MACROD2: variants seen among roughly 807,000 people sequenced by gnomAD.
The protein encoded by MACROD2 is mono-ADP ribosylhydrolase 2.
Under a neutral mutation model 70.4 loss-of-function variants are expected in MACROD2, and 36 were observed. The observed-to-expected ratio is 0.51, with a 90% CI of 0.39 to 0.68. The LOEUF is 0.68. MACROD2 is among the 30% of genes least tolerant of loss of function. The pLI is 0.00. For synonymous variants in MACROD2, 172 were observed against 178.8 expected, an observed-to-expected ratio of 0.96 and a Z score of 0.30; for missense variants, 496 against 538.4, an observed-to-expected ratio of 0.92 and a Z score of 0.78.
intron 7 of MACROD2, among the ~76,000 whole-genome samples, chr20:15,483,312 G>C (rs2047123679): frequency 6.6e-6 from 1 of 152,126 alleles, no homozygotes; most frequent in Admixed American, 6.5e-5. Context: ...TTGTTGAAAA[G>C]ACTTGCTTCA....
chr20:14,858,769 C>T (rs954577598), intron 5 of MACROD2, among the ~76,000 whole-genome samples: 4 of 152,210 alleles, frequency 2.6e-5, no homozygotes, highest in East Asian at 3.9e-4. Flanking sequence ...TATTCCACTT[C>T]GTAGCAATGC....
intron 5 of MACROD2, among the ~76,000 whole-genome samples, chr20:15,010,580 G>A (rs1393678533): frequency 6.6e-6 from 1 of 152,172 alleles, no homozygotes; most frequent in African/African-American, 2.4e-5. Flanking sequence ...CACAAGATTT[G>A]AGGACAGAAT....
intron 3 of MACROD2, among the ~76,000 whole-genome samples, chr20:14,144,794 T>C: frequency 6.6e-6 from 1 of 152,158 alleles, no homozygotes; most frequent in Non-Finnish European, 1.5e-5. Context: ...TGGTATGTTA[T>C]TTGTATATAA....
At chr20:15,700,471 T>C (rs911146360) in intron 8 of MACROD2, among the ~76,000 whole-genome samples, 1 of 152,236 alleles carries the variant, frequency 6.6e-6, no homozygotes, top group Admixed American at 6.5e-5. Context: ...TTTCCTGAGC[T>C]TAGCAGTCTG....
chr20:15,993,233 A>AGTGTGTGTGT (rs11468964), intron 15 of MACROD2, among the ~76,000 whole-genome samples: 12 of 143,980 alleles, frequency 8.3e-5, no homozygotes, highest in African/African-American at 3.0e-4. Context: ...GAATTTGAAG[A>AGTGTGTGTGT]GTGTGTGTGT....
At chr20:14,057,470 A>G (rs2053643803) in intron 2 of MACROD2, among the ~76,000 whole-genome samples, 1 of 152,210 alleles carries the variant, frequency 6.6e-6, no homozygotes, top group Non-Finnish European at 1.5e-5. Context: ...CAGTCAGTTC[A>G]AACTGTAAAG....
Position 15,611,815 on chromosome 20 carries a change from A to G in MACROD2, c.645+111968A>G, listed in dbSNP as rs566355888. 4.9e-4 allele frequency among the ~76,000 whole-genome samples: 74 copies of G among 149,498 alleles called. 1 individual carries two copies. Among genetic ancestry groups the G allele is most frequent in the Non-Finnish European group, 9.6e-4 (65 of 67,652 alleles). On this transcript the variant is annotated intron_variant, in intron 8 of 17. Transcript: ENST00000684519. Reference sequence around the variant, plus strand: ...AAATCTAGCAATTTAAGCCATTACTAGATGATGTCTATAAGGCTCCGAGCA... The same window carrying G: ...AAATCTAGCAATTTAAGCCATTACTGGATGATGTCTATAAGGCTCCGAGCA...
At chr20:15,519,282 TTTTG>T (rs1157242073) in intron 8 of MACROD2, among the ~76,000 whole-genome samples, 3 of 151,998 alleles carry the variant, frequency 2.0e-5, no homozygotes, top group Non-Finnish European at 4.4e-5. Context: ...GGCTAATTTT[TTTTG>T]TTTGTTTTTT....
intron 8 of MACROD2, among the ~76,000 whole-genome samples, chr20:15,840,749 C>T (rs2064161407): frequency 6.6e-6 from 1 of 152,050 alleles, no homozygotes; most frequent in Non-Finnish European, 1.5e-5. Context: ...AACACATTGA[C>T]TAACTCTACT....
At chr20:14,602,020 G>GGGTTTGTA (rs1982531550) in intron 4 of MACROD2, among the ~76,000 whole-genome samples, 1 of 152,130 alleles carries the variant, frequency 6.6e-6, no homozygotes, top group Non-Finnish European at 1.5e-5. Flanking sequence ...TGAGAACATG[G>GGGTTTGTA]ATCATGTCGT....
chr20:15,458,626 T>A (rs1568823358), intron 7 of MACROD2, among the ~76,000 whole-genome samples: 1 of 148,288 alleles, frequency 6.7e-6, no homozygotes, highest in Non-Finnish European at 1.5e-5. Context: ...TTTGTTTTTT[T>A]GTTTTTTTTT....
At chr20:15,258,667 T>TC (rs2146040227) in intron 6 of MACROD2, among the ~76,000 whole-genome samples, 1 of 152,146 alleles carries the variant, frequency 6.6e-6, no homozygotes, top group Non-Finnish European at 1.5e-5. Flanking sequence ...TGAGAACATA[T>TC]CCCCATCATT....
intron 3 of MACROD2, among the ~76,000 whole-genome samples, chr20:14,417,455 T>C (rs2083821660): frequency 1.3e-5 from 2 of 152,160 alleles, no homozygotes; most frequent in South Asian, 4.1e-4. Flanking sequence ...ATCACCTATT[T>C]CAATATCTAG....
intron 10 of MACROD2, 28 bp downstream of exon 10, chr20:15,885,839 G>T: frequency 1.3e-6 from 2 of 1,489,496 alleles, no homozygotes; most frequent in Non-Finnish European, 8.9e-7. Flanking sequence ...TTATTATTAG[G>T]GGGTAGGTAG....
chr20:14,624,070 T>C (rs958499901), intron 4 of MACROD2, among the ~76,000 whole-genome samples: 14 of 152,202 alleles, frequency 9.2e-5, no homozygotes, highest in Non-Finnish European at 7.3e-5. Context: ...GGATCTGTTA[T>C]TTGATGGCAT....
At chr20:14,237,074 C>T (rs1413760232) in intron 3 of MACROD2, among the ~76,000 whole-genome samples, 1 of 151,890 alleles carries the variant, frequency 6.6e-6, no homozygotes, top group East Asian at 1.9e-4. Flanking sequence ...GGTTAGTCTT[C>T]TTCAATAATT....
chr20:15,949,503 T>C (rs774646107), intron 12 of MACROD2, among the ~76,000 whole-genome samples: 6 of 152,158 alleles, frequency 3.9e-5, no homozygotes, highest in Admixed American at 6.5e-5. Flanking sequence ...CAGTACACCA[T>C]AGGGCGTGCA....
chr20:14,221,236 T>C (rs2081671014), intron 3 of MACROD2, among the ~76,000 whole-genome samples: 1 of 152,202 alleles, frequency 6.6e-6, no homozygotes, highest in Non-Finnish European at 1.5e-5. Context: ...TGAATGGGCT[T>C]TGGAATGAGA....
At chr20:15,856,283 G>C (rs1043430570) in intron 8 of MACROD2, among the ~76,000 whole-genome samples, 6 of 152,152 alleles carry the variant, frequency 3.9e-5, no homozygotes, top group Non-Finnish European at 8.8e-5. Flanking sequence ...TTGCTACTGT[G>C]AAACGATTAA....
Sources: allele counts gnomAD v4.1 joint callset (sites outside exome capture counted in the v4.1 genomes callset), GRCh38; gene constraint gnomAD v4.1.1; transcripts MANE v1.5; gene names NCBI Gene and HGNC (gene_info 2026-07-23, HGNC 2026-07-21).